Variants in COL24A1 observed in about 807,000 individuals in gnomAD.
The protein encoded by COL24A1 is collagen alpha-1(XXIV) chain.
In COL24A1, 224 loss-of-function variants were observed where a neutral mutation model predicts 253.9. The ratio of observed to expected loss-of-function variants is 0.88; its 90% CI spans 0.79 to 0.99. COL24A1 has a LOEUF of 0.99. Among genes scored for constraint, COL24A1 ranks in the 50% least tolerant of loss-of-function variants. The pLI, the probability that COL24A1 is intolerant of heterozygous loss-of-function variation, is 0.00. For synonymous variants in COL24A1, 685 were observed against 673.7 expected (o/e 1.02, Z -0.26); for missense variants, 2,131 against 2,068.5 (o/e 1.03, Z -0.59).
intron 5 of COL24A1, among the ~76,000 whole-genome samples, chr1:86,101,486 C>T (rs543714490): frequency 1.8e-3 from 272 of 152,202 alleles, no homozygotes; most frequent in African/African-American, 5.9e-3. Context: ...GTAATGCTTC[C>T]AGCTTTTGCC....
intron 1 of COL24A1, among the ~76,000 whole-genome samples, chr1:86,149,273 AAC>A (rs1164634744): frequency 6.6e-6 from 1 of 152,204 alleles, no homozygotes; most frequent in Non-Finnish European, 1.5e-5. Flanking sequence ...ATGTGTCCAT[AAC>A]ACAGGCATTT....
At chr1:85,742,403 A>T (rs901029572) in intron 57 of COL24A1, among the ~76,000 whole-genome samples, 1 of 152,092 alleles carries the variant, frequency 6.6e-6, no homozygotes, top group African/African-American at 2.4e-5. Context: ...AAGTGCTGGG[A>T]TTACAGGCAT....
chr1:86,100,177 A>G lies in COL24A1; in HGVS notation c.1600-7857T>C, dbSNP rs370368259. 1.3e-3 allele frequency among the ~76,000 whole-genome samples: 195 copies of G among 152,244 alleles called. 1 individual carries two copies. The highest frequency in any genetic ancestry group is 4.4e-3 in the African/African-American group (183 of 41,536). On this transcript the variant is annotated intron_variant, in intron 5 of 59. Coordinates refer to ENST00000370571, the MANE Select transcript of COL24A1 (RefSeq NM_152890.7). Reference sequence around the variant, plus strand: ...ATTGGCTCCTACTACCTCTCTGATCATATTCCTGACACTTAACCTCATTCA... The same window carrying G: ...ATTGGCTCCTACTACCTCTCTGATCGTATTCCTGACACTTAACCTCATTCA...
At chr1:85,866,147 C>A (rs189773022) in intron 37 of COL24A1, among the ~76,000 whole-genome samples, 2 of 152,190 alleles carry the variant, frequency 1.3e-5, no homozygotes, top group African/African-American at 4.8e-5. Context: ...CCTGTACTCC[C>A]AGCTACTTGG....
At chr1:85,838,700 GGTGATAAGATTA>G in intron 42 of COL24A1, 62 bp from the exon 43 acceptor site, 1 of 1,457,120 alleles carries the variant, frequency 6.9e-7, no homozygotes. Context: ...TGCGAATGCA[GGTGATAAGATTA>G]GTGTTGTTTA....
At chr1:85,913,005 T>A (rs1209144088) in intron 24 of COL24A1, among the ~76,000 whole-genome samples, 1 of 152,214 alleles carries the variant, frequency 6.6e-6, no homozygotes, top group South Asian at 2.1e-4. Flanking sequence ...TAAAATTATA[T>A]ATGTGGCTTA....
chr1:85,911,206 AT>A (rs1199079806), intron 25 of COL24A1, among the ~76,000 whole-genome samples, 173 bp downstream of exon 25: 1 of 152,022 alleles, frequency 6.6e-6, no homozygotes, highest in Non-Finnish European at 1.5e-5. Context: ...CCCTTTAAAA[AT>A]TAGAAACCTA....
In COL24A1 at chr1:85,730,568, CTG is replaced by C. The variant is rs1490432779; in HGVS notation, c.5121_5122del (p.Asp1707GlufsTer13). 6.2e-7 allele frequency: 1 copy of C among 1,613,898 alleles called. No homozygotes were observed. Among genetic ancestry groups the C allele is most frequent in the Non-Finnish European group, 8.5e-7 (1 of 1,179,842 alleles). Reference sequence around the variant, plus strand: ...ACTTTACAGAAAGCATACAGAACTGCTGTCAATGTAATACTTTCGTTCAGTTT... The same window carrying C: ...ACTTTACAGAAAGCATACAGAACTGCTCAATGTAATACTTTCGTTCAGTTT... On this transcript the variant is annotated frameshift_variant, in exon 60 of 60. Transcript: ENST00000370571. LOFTEE classifies it high-confidence loss of function.
chr1:85,903,083 C>G (rs1684484651), intron 28 of COL24A1, among the ~76,000 whole-genome samples: 1 of 151,826 alleles, frequency 6.6e-6, no homozygotes, highest in Admixed American at 6.6e-5. Context: ...AAACCCATTA[C>G]TTAGAAAAAT....
intron 5 of COL24A1, among the ~76,000 whole-genome samples, chr1:86,098,303 G>C (rs1407047666): frequency 6.6e-6 from 1 of 151,788 alleles, no homozygotes; most frequent in Non-Finnish European, 1.5e-5. Context: ...AGGAAGGAAA[G>C]ACAGAGAAGC....
chr1:85,978,756 C>G (rs950149277), intron 20 of COL24A1, among the ~76,000 whole-genome samples: 3 of 152,126 alleles, frequency 2.0e-5, no homozygotes, highest in Non-Finnish European at 4.4e-5. Context: ...GATGTTGATA[C>G]TCTACTGACA....
chr1:85,830,496 C>T (rs967051618), intron 43 of COL24A1, among the ~76,000 whole-genome samples: 1 of 152,198 alleles, frequency 6.6e-6, no homozygotes, highest in Non-Finnish European at 1.5e-5. Flanking sequence ...TGAGCCTGGG[C>T]AATGGCGGGT....
chr1:86,043,505 T>TC (rs1699659976), intron 12 of COL24A1, among the ~76,000 whole-genome samples: 1 of 151,890 alleles, frequency 6.6e-6, no homozygotes. Flanking sequence ...GAAACATCAA[T>TC]CCAAACTTCT....
At chr1:85,836,043 G>C (rs1187007423) in intron 43 of COL24A1, among the ~76,000 whole-genome samples, 1 of 152,162 alleles carries the variant, frequency 6.6e-6, no homozygotes, top group Non-Finnish European at 1.5e-5. Flanking sequence ...AGAATAATCT[G>C]AATGAACAGT....
chr1:85,774,349 T>C (rs1668303415), intron 53 of COL24A1, among the ~76,000 whole-genome samples: 1 of 152,184 alleles, frequency 6.6e-6, no homozygotes, highest in African/African-American at 2.4e-5. Flanking sequence ...GTTGTGTCTC[T>C]GCCGGGCTTT....
At chr1:86,005,567 A>G (rs1193634222) in intron 19 of COL24A1, among the ~76,000 whole-genome samples, 2 of 152,142 alleles carry the variant, frequency 1.3e-5, no homozygotes, top group Non-Finnish European at 2.9e-5. Flanking sequence ...GAGTCTACTG[A>G]ACACATTTAA....
intron 45 of COL24A1, among the ~76,000 whole-genome samples, chr1:85,821,449 A>T (rs1673610896): frequency 6.6e-6 from 1 of 152,186 alleles, no homozygotes; most frequent in African/African-American, 2.4e-5. Flanking sequence ...TCATTTGAAA[A>T]TTAAGAGGGT....
At chr1:85,890,415 T>TTC (rs1682994590) in intron 31 of COL24A1, among the ~76,000 whole-genome samples, 1 of 151,588 alleles carries the variant, frequency 6.6e-6, no homozygotes, top group African/African-American at 2.4e-5. Flanking sequence ...AAATTTTCTT[T>TTC]TTTTTTTTTT....
chr1:85,978,150 G>C (rs919701719), intron 20 of COL24A1, among the ~76,000 whole-genome samples: 1 of 152,022 alleles, frequency 6.6e-6, no homozygotes, highest in Non-Finnish European at 1.5e-5. Flanking sequence ...ACAAAGGAGA[G>C]GTAAAGTCGT....
Sources: allele counts gnomAD v4.1 joint callset (sites outside exome capture counted in the v4.1 genomes callset), GRCh38; gene constraint gnomAD v4.1.1; transcripts MANE v1.5; gene names NCBI Gene and HGNC (gene_info 2026-07-23, HGNC 2026-07-21).